MLLT3: variants seen among roughly 807,000 people sequenced by gnomAD.
MLLT3 encodes protein AF-9.
A neutral mutation model predicts 53.2 loss-of-function variants in MLLT3; 4 were observed. That is an observed-to-expected ratio of 0.08 (90% CI 0.04 to 0.17). The LOEUF is 0.17. MLLT3 is among the 10% of genes least tolerant of loss of function. The probability of loss-of-function intolerance (pLI) is 1.00; values close to 1 mark genes in which losing one functional copy is unlikely to be tolerated. For missense variants in MLLT3, 569 were observed against 684.0 expected, an observed-to-expected ratio of 0.83 and a Z score of 1.87; for synonymous variants, 283 against 230.6, an observed-to-expected ratio of 1.23 and a Z score of -2.06.
At chr9:20,482,586 T>C (rs140100771) in intron 2 of MLLT3, among the ~76,000 whole-genome samples, 41 of 152,334 alleles carry the variant, frequency 2.7e-4, no homozygotes, top group African/African-American at 8.7e-4. Context: ...TGATATCCTA[T>C]ACAACACAAC....
At chr9:20,372,138 T>C (rs137875459) in intron 5 of MLLT3, among the ~76,000 whole-genome samples, 1 of 152,068 alleles carries the variant, frequency 6.6e-6, no homozygotes. Flanking sequence ...GGATGAGGAG[T>C]TGCTGCTTAT....
chr9:20,544,974 A>G (rs1818747417), intron 2 of MLLT3, among the ~76,000 whole-genome samples: 2 of 151,956 alleles, frequency 1.3e-5, no homozygotes, highest in Admixed American at 1.3e-4. Context: ...TCCTAGCTAC[A>G]GGCTAGGCTA....
intron 2 of MLLT3, among the ~76,000 whole-genome samples, chr9:20,547,169 A>C (rs924960149): frequency 7.2e-5 from 11 of 152,102 alleles, no homozygotes; most frequent in African/African-American, 2.7e-4. Context: ...AATATTAAAA[A>C]TTGAGATATG....
intron 2 of MLLT3, among the ~76,000 whole-genome samples, chr9:20,528,774 AC>A (rs1818261684): frequency 6.6e-6 from 1 of 152,234 alleles, no homozygotes; most frequent in Admixed American, 6.5e-5. Flanking sequence ...TCCTTAATTT[AC>A]CGCATCTGCA....
At chr9:20,381,505 CTTATA>C (rs1162760158) in intron 5 of MLLT3, among the ~76,000 whole-genome samples, 1 of 151,850 alleles carries the variant, frequency 6.6e-6, no homozygotes, top group Non-Finnish European at 1.5e-5. Flanking sequence ...TTTGTAACTA[CTTATA>C]TTAGATTATA....
At chr9:20,390,746 T>G (rs1275102793) in intron 5 of MLLT3, among the ~76,000 whole-genome samples, 1 of 152,218 alleles carries the variant, frequency 6.6e-6, no homozygotes. Flanking sequence ...AAAGCTGAGT[T>G]AGAAGTACAA....
intron 4 of MLLT3, 139 bp downstream of exon 4, chr9:20,447,984 A>G: frequency 2.4e-6 from 2 of 825,790 alleles, no homozygotes; most frequent in Non-Finnish European, 3.7e-6. Context: ...TCCACAGCTA[A>G]GCCATTAAGG....
chr9:20,523,499 C>G (rs1375745939), intron 2 of MLLT3, among the ~76,000 whole-genome samples: 1 of 152,168 alleles, frequency 6.6e-6, no homozygotes, highest in African/African-American at 2.4e-5. Flanking sequence ...AAGAGATAAA[C>G]TGTGGTACCT....
At chr9:20,451,906 GT>G (rs1339369512) in intron 3 of MLLT3, among the ~76,000 whole-genome samples, 2 of 152,134 alleles carry the variant, frequency 1.3e-5, no homozygotes, top group African/African-American at 4.8e-5. Flanking sequence ...CACAAATAGG[GT>G]TGTTTTGTTG....
chr9:20,388,884 C>T (rs1822111870), intron 5 of MLLT3, among the ~76,000 whole-genome samples: 1 of 152,156 alleles, frequency 6.6e-6, no homozygotes, highest in Admixed American at 6.5e-5. Flanking sequence ...AGAAAAACAA[C>T]CATCTCCCTC....
chr9:20,381,082 T>C (rs1013802107), intron 5 of MLLT3, among the ~76,000 whole-genome samples: 4 of 152,052 alleles, frequency 2.6e-5, no homozygotes, highest in East Asian at 1.9e-4. Flanking sequence ...AAGGAACTTA[T>C]TATGATCAGC....
intron 5 of MLLT3, among the ~76,000 whole-genome samples, chr9:20,402,979 A>G (rs1387395965): frequency 6.6e-6 from 1 of 152,208 alleles, no homozygotes; most frequent in Non-Finnish European, 1.5e-5. Flanking sequence ...AAATGGTAAC[A>G]ACTCACTAGG....
At chr9:20,570,310 C>T (rs932312168) in intron 2 of MLLT3, among the ~76,000 whole-genome samples, 4 of 152,040 alleles carry the variant, frequency 2.6e-5, no homozygotes, top group African/African-American at 7.2e-5. Flanking sequence ...AATTTTCTTC[C>T]GTCAGCATTA....
rs756711838 is a variant in MLLT3, at chr9:20,619,442, TCTC to T, written c.193+1209_193+1211del. Among the ~76,000 whole-genome samples the T allele has an allele frequency of 3.3e-5, 5 of 152,306 alleles. No individual in the cohort carries two copies. The South Asian group carries it at 1.0e-3, about 32-fold the overall frequency. On this transcript the variant is annotated intron_variant, in intron 2 of 10. Coordinates refer to ENST00000380338, the MANE Select transcript of MLLT3 (RefSeq NM_004529.4). ...TGCCACCTCTAAGGCACACGACGCT[TCTC>T]CTTTCTTTATTCAGCCCCCTGAATG...
chr9:20,343,183 CAAA>C lies in MLLT3; in HGVS notation c.*3257_*3259del, dbSNP rs71334526. On this transcript the variant is annotated 3_prime_UTR_variant, in exon 11 of 11. Coordinates refer to ENST00000380338, the MANE Select transcript of MLLT3 (RefSeq NM_004529.4). ...TAGGTGGGCCTGTAAAAGATATCGG[CAAA>C]AAAAAAAAAAAAAAAAAAAAAAAAA... 1.3e-3 allele frequency: 52 copies of C among 40,322 alleles called. No homozygotes were observed. Among genetic ancestry groups the C allele is most frequent in the East Asian group, 6.7e-3 (11 of 1,632 alleles). 2.5% of individuals were successfully genotyped at this position (40,322 alleles called of 1,614,324 possible). A position where few individuals can be genotyped will look rare whatever the true frequency, so the allele number is the denominator to read the frequency against.
intron 2 of MLLT3, among the ~76,000 whole-genome samples, chr9:20,477,434 T>A (rs1824552528): frequency 1.3e-5 from 2 of 152,056 alleles, no homozygotes; most frequent in African/African-American, 4.8e-5. Context: ...CTCTCTCACA[T>A]CCCCAACTAA....
At chr9:20,495,082 C>T (rs928875043) in intron 2 of MLLT3, among the ~76,000 whole-genome samples, 38 of 152,152 alleles carry the variant, frequency 2.5e-4, no homozygotes, top group Non-Finnish European at 3.2e-4. Context: ...AAGCAAGCTA[C>T]TTAATTAATG....
chr9:20,435,773 G>C (rs1056072507), intron 4 of MLLT3, among the ~76,000 whole-genome samples: 1 of 152,126 alleles, frequency 6.6e-6, no homozygotes, highest in Non-Finnish European at 1.5e-5. Flanking sequence ...CTATGAAGCA[G>C]AAACAAAAGA....
chr9:20,571,615 G>A (rs1819534992), intron 2 of MLLT3, among the ~76,000 whole-genome samples: 1 of 151,974 alleles, frequency 6.6e-6, no homozygotes, highest in Non-Finnish European at 1.5e-5. Flanking sequence ...GACAGGCCCT[G>A]GTGTGTGATG....
Sources: gnomAD v4.1 joint callset for allele counts (sites outside exome capture counted in the v4.1 genomes callset) on GRCh38, gnomAD v4.1.1 for gene constraint, MANE v1.5 for transcripts, NCBI Gene and HGNC (gene_info 2026-07-23, HGNC 2026-07-21) for gene names.